The following OSBPL2 variants were observed in gnomAD, a reference collection of about 807,000 sequenced individuals.
The protein encoded by OSBPL2 is oxysterol-binding protein-related protein 2.
In OSBPL2, 18 loss-of-function variants were observed where a neutral mutation model predicts 58.4. The observed-to-expected ratio is 0.31, with a 90% CI of 0.21 to 0.46. OSBPL2 has a LOEUF of 0.46. Among genes scored for constraint, OSBPL2 ranks in the 20% least tolerant of loss-of-function variants. The pLI, the probability that OSBPL2 is intolerant of heterozygous loss-of-function variation, is 1.00. For missense variants in OSBPL2, 461 were observed against 616.5 expected, an observed-to-expected ratio of 0.75 and a Z score of 2.67; for synonymous variants, 221 against 234.1, an observed-to-expected ratio of 0.94 and a Z score of 0.51.
At position 62,279,324 on chromosome 20, in the gene OSBPL2, C is replaced by T; in HGVS notation, c.659C>T (p.Thr220Ile). The change falls in exon 7 of 14, where the codon ACC becomes ATC. Residue 220 changes from threonine (T) to isoleucine (I), a missense_variant. Transcript: ENST00000313733. ...SVEAEPRGTI[T>I]LELLKHNEAY... Reference sequence around the variant, plus strand: ...GAGGCGGAGCCCCGAGGCACCATCACCCTGGAGCTGCTCAAGTGAGTGTCG... The same window carrying T: ...GAGGCGGAGCCCCGAGGCACCATCATCCTGGAGCTGCTCAAGTGAGTGTCG... 6.2e-7 allele frequency: 1 copy of T among 1,614,210 alleles called. No individual in the cohort carries two copies. Among genetic ancestry groups the T allele is most frequent in the Non-Finnish European group, 8.5e-7 (1 of 1,180,028 alleles).
rs934080154 is a variant in OSBPL2, at chr20:62,279,937, C to T, written c.674+598C>T. 3.2e-5 allele frequency: 41 copies of T among 1,301,298 alleles called. 1 individual carries two copies. The Middle Eastern group carries it at 1.1e-3, about 35-fold the overall frequency. The allele number at this position is 1,301,298 out of a possible 1,614,324, so 80.6% of individuals were successfully genotyped here. A position where few individuals can be genotyped will look rare whatever the true frequency, so the allele number is the denominator to read the frequency against. On this transcript the variant is annotated intron_variant, in intron 7 of 13. Transcript: ENST00000313733. ...GACTTAGGGTTGGAATTTGAAACAG[C>T]GTGGGAGGGGACCCTCTGAGAGGCT...
rs1006169079 is a variant in OSBPL2 at position 62,288,679 on chromosome 20, C to T, written c.1126-528C>T. 3.3e-5 allele frequency among the ~76,000 whole-genome samples: 5 copies of T among 152,136 alleles called. No individual in the cohort carries two copies. The highest frequency in any genetic ancestry group is 7.4e-5 in the Non-Finnish European group (5 of 68,010). On this transcript the variant is annotated intron_variant, in intron 11 of 13. Coordinates refer to ENST00000313733, the MANE Select transcript of OSBPL2 (RefSeq NM_144498.4). The surrounding 1 kb of genome is among the most constrained non-coding windows in gnomAD (Gnocchi z 4.8). ...CCACAAGACGCCGAGCAGACAGCTGCGAGCCAGAAGTCAGGCAGAGCAAGG... is the reference window on the plus strand; with the variant it reads ...CCACAAGACGCCGAGCAGACAGCTGTGAGCCAGAAGTCAGGCAGAGCAAGG...
chr20:62,266,090 C>A (rs1466261270), intron 4 of OSBPL2, among the ~76,000 whole-genome samples: 1 of 152,060 alleles, frequency 6.6e-6, no homozygotes, highest in African/African-American at 2.4e-5. Flanking sequence ...CCACTGTGCT[C>A]CAGCCTAGAT....
intron 2 of OSBPL2, 46 bp downstream of exon 2, chr20:62,256,267 G>A (rs762129145): frequency 8.9e-6 from 14 of 1,566,540 alleles, no homozygotes; most frequent in East Asian, 4.5e-5. Context: ...AAGGGTGAAC[G>A]TCCCTGGATT....
rs533407305 is a variant in OSBPL2 at position 62,269,705 on chromosome 20, C to T, written c.259-2420C>T. Among the ~76,000 whole-genome samples the T allele has an allele frequency of 2.6e-5, 4 of 152,348 alleles. No homozygotes were observed. The South Asian group carries it at 6.2e-4, about 24-fold the overall frequency. On this transcript the variant is annotated intron_variant, in intron 4 of 13. Coordinates refer to ENST00000313733, the MANE Select transcript of OSBPL2 (RefSeq NM_144498.4). This position sits in a 1 kb window ranked among gnomAD's most constrained non-coding sequence, Gnocchi z 4.2. ...GGAATGTAAATTGCAAATGCTCCCCCATCTGTCTGCTTTTCTGCTCATTCT... is the reference window on the plus strand; with the variant it reads ...GGAATGTAAATTGCAAATGCTCCCCTATCTGTCTGCTTTTCTGCTCATTCT...
At chr20:62,272,085 G>T (rs370820124) in intron 4 of OSBPL2, 40 bp from the exon 5 acceptor site, 473 of 1,611,044 alleles carry the variant, frequency 2.9e-4, no homozygotes, top group Non-Finnish European at 3.7e-4. Context: ...GCGGTGTCAG[G>T]AAGGCAGCAG....
At chr20:62,245,736 C>A (rs1422493577) in intron 1 of OSBPL2, among the ~76,000 whole-genome samples, 1 of 152,206 alleles carries the variant, frequency 6.6e-6, no homozygotes, top group African/African-American at 2.4e-5. Flanking sequence ...TCACTCGTGA[C>A]GGGCTGCAGA....
chr20:62,290,323 C>T (rs1983408404), intron 12 of OSBPL2, among the ~76,000 whole-genome samples: 1 of 152,054 alleles, frequency 6.6e-6, no homozygotes, highest in Non-Finnish European at 1.5e-5. Context: ...GCAGCCTCAA[C>T]CTCCCAGGTT....
At chr20:62,250,136 C>G (rs1193840467) in intron 1 of OSBPL2, among the ~76,000 whole-genome samples, 1 of 152,242 alleles carries the variant, frequency 6.6e-6, no homozygotes, top group African/African-American at 2.4e-5. Context: ...CACAGTTCCA[C>G]CTCAAGGCCT....
At chr20:62,268,326 T>C (rs1179070483) in intron 4 of OSBPL2, among the ~76,000 whole-genome samples, 4 of 152,186 alleles carry the variant, frequency 2.6e-5, no homozygotes, top group Non-Finnish European at 5.9e-5. Context: ...ATTTTCTTTT[T>C]AAATTATGGG....
intron 1 of OSBPL2, among the ~76,000 whole-genome samples, chr20:62,252,583 C>T (rs74605241): frequency 7.1e-4 from 108 of 152,322 alleles, no homozygotes; most frequent in African/African-American, 2.5e-3. Context: ...GCTGCTGAGT[C>T]GCCGTGGTGT....
chr20:62,249,522 T>C (rs995834427), intron 1 of OSBPL2, among the ~76,000 whole-genome samples: 3 of 152,260 alleles, frequency 2.0e-5, no homozygotes, highest in Non-Finnish European at 4.4e-5. Flanking sequence ...TCAACTTTGA[T>C]ACTCAATTAT....
At chr20:62,245,535 A>G (rs1329498372) in intron 1 of OSBPL2, among the ~76,000 whole-genome samples, 1 of 152,238 alleles carries the variant, frequency 6.6e-6, no homozygotes, top group African/African-American at 2.4e-5. Flanking sequence ...TAAAAAGCGC[A>G]GACCTAGAGC....
At chr20:62,251,896 T>TTTTTC (rs869097046) in intron 1 of OSBPL2, among the ~76,000 whole-genome samples, 10 of 90,528 alleles carry the variant, frequency 1.1e-4, no homozygotes, top group African/African-American at 3.4e-4. Context: ...TTTTTTTTTT[T>TTTTTC]CTGGAGACAG....
At chr20:62,248,048 G>C (rs920905429) in intron 1 of OSBPL2, among the ~76,000 whole-genome samples, 4 of 151,806 alleles carry the variant, frequency 2.6e-5, no homozygotes, top group Non-Finnish European at 1.5e-5. Context: ...ATAAGGCTCT[G>C]TGCACAGTTG....
rs557223584 is a variant in OSBPL2 at position 62,293,926 on chromosome 20, C to G, written c.*39C>G. The G allele has an allele frequency of 1.9e-6, 3 of 1,602,472 alleles. No homozygotes were observed. Among genetic ancestry groups the G allele is most frequent in the Admixed American group, 3.5e-5 (2 of 57,340 alleles). ...CCTGGGGCCCGGGACCGGAGGCTGA[C>G]GAGGCTGGACTTCCTCGAGTGGCCA... On this transcript the variant is annotated 3_prime_UTR_variant, in exon 14 of 14. Coordinates refer to ENST00000313733, the MANE Select transcript of OSBPL2 (RefSeq NM_144498.4).
Position 62,291,758 on chromosome 20 carries a change from G to A in OSBPL2, c.1305G>A (p.Arg435=). ...AGGAGAAGCAGAGAGAAGCACGGAG[G>A]GAGCGGGCCAAGGAGGAGGCAGAGT... ...RLEEKQREAR[R]ERAKEEAEWQ... The change falls in exon 13 of 14, where the codon AGG becomes AGA. Residue 435 remains arginine (R), a synonymous_variant. Transcript: ENST00000313733. The A allele has an allele frequency of 6.2e-7, 1 of 1,613,426 alleles. No homozygotes were observed. Among genetic ancestry groups the A allele is most frequent in the Non-Finnish European group, 8.5e-7 (1 of 1,179,978 alleles).
At chr20:62,274,170 C>T (rs1046787218) in intron 6 of OSBPL2, among the ~76,000 whole-genome samples, 5 of 152,228 alleles carry the variant, frequency 3.3e-5, no homozygotes, top group Non-Finnish European at 7.3e-5. Flanking sequence ...GGGTTCTCTT[C>T]ACCCACCTGG....
chr20:62,293,939 C>T lies in OSBPL2; in HGVS notation c.*52C>T. 2 of 1,591,356 alleles carry T rather than the reference C, an allele frequency of 1.3e-6. No homozygotes were observed. Among genetic ancestry groups the T allele is most frequent in the Non-Finnish European group, 1.7e-6 (2 of 1,170,432 alleles). ...ACCGGAGGCTGACGAGGCTGGACTT[C>T]CTCGAGTGGCCACTGTGAGCCTCGT... On this transcript the variant is annotated 3_prime_UTR_variant, in exon 14 of 14. Coordinates refer to ENST00000313733, the MANE Select transcript of OSBPL2 (RefSeq NM_144498.4).
Sources: gnomAD v4.1 joint callset for allele counts (sites outside exome capture counted in the v4.1 genomes callset) on GRCh38, gnomAD v4.1.1 for gene constraint, Gnocchi (gnomAD v3.1) non-coding constraint, MANE v1.5 for transcripts, NCBI Gene and HGNC (gene_info 2026-07-23, HGNC 2026-07-21) for gene names.